The following PHF24 variants were observed in gnomAD, a reference collection of about 807,000 sequenced individuals.
PHF24 encodes PHD finger protein 24.
Under a neutral mutation model 42.6 loss-of-function variants are expected in PHF24, and 25 were observed. The observed-to-expected ratio is 0.59, with a 90% confidence interval of 0.43 to 0.82. PHF24 has a LOEUF of 0.82. PHF24 is among the 40% of genes least tolerant of loss of function. The pLI is 0.00. For synonymous variants in PHF24, 185 were observed against 204.8 expected, an observed-to-expected ratio of 0.90 and a Z score of 0.83; for missense variants, 470 against 538.1, an observed-to-expected ratio of 0.87 and a Z score of 1.25.
At chr9:34,793,554 C>A in the PHF24 span, among the ~76,000 whole-genome samples, 111 of 152,242 alleles carry the variant, frequency 7.3e-4, no homozygotes, top group Non-Finnish European at 1.4e-3. Context: ...GACCCAAGTT[C>A]AATAGACCAC....
At chr9:34,917,612 C>T in the PHF24 span, 1 of 776,066 alleles carries the variant, frequency 1.3e-6, no homozygotes, top group Non-Finnish European at 2.4e-6. Context: ...AAATGGCCAC[C>T]CCTTTGGTTG....
the PHF24 span, among the ~76,000 whole-genome samples, chr9:34,735,133 CTTTTTTT>C: frequency 6.2e-5 from 7 of 112,486 alleles, no homozygotes; most frequent in South Asian, 3.3e-4. Flanking sequence ...TTTCTTTTTT[CTTTTTTT>C]TTTTTTTTTT....
At chr9:34,871,057 T>C in the PHF24 span, among the ~76,000 whole-genome samples, 143,114 of 152,318 alleles carry the variant, frequency 0.94, 67,783 homozygotes, top group East Asian at 1. Context: ...GCTATTTTCC[T>C]ACCAGCAATG....
At chr9:34,962,417 A>G (rs1826624178) in intron 1 of PHF24, among the ~76,000 whole-genome samples, 1 of 151,668 alleles carries the variant, frequency 6.6e-6, no homozygotes, top group Non-Finnish European at 1.5e-5. Context: ...ATTTAGCTCA[A>G]GCAACACCTT....
At chr9:34,700,118 G>C in the PHF24 span, among the ~76,000 whole-genome samples, 1 of 152,154 alleles carries the variant, frequency 6.6e-6, no homozygotes, top group African/African-American at 2.4e-5. Context: ...GGAATAGCAA[G>C]GAGGCCAAAA....
chr9:34,908,222 G>C, the PHF24 span, among the ~76,000 whole-genome samples: 1 of 152,152 alleles, frequency 6.6e-6, no homozygotes, highest in Non-Finnish European at 1.5e-5. Context: ...CAAATGTTTT[G>C]TAATTGAGGA....
chr9:34,720,459 AAAC>A, the PHF24 span, among the ~76,000 whole-genome samples: 228 of 149,928 alleles, frequency 1.5e-3, 8 homozygotes, highest in African/African-American at 5.0e-3. Context: ...CTCAAAAAAA[AAAC>A]AAAACAAAAC....
chr9:34,833,241 G>A, the PHF24 span: 1 of 1,549,918 alleles, frequency 6.5e-7, no homozygotes, highest in Non-Finnish European at 8.7e-7. Flanking sequence ...GGTTCCTCCA[G>A]GCTGGGGTTG....
At chr9:34,881,075 A>G in the PHF24 span, among the ~76,000 whole-genome samples, 3 of 152,236 alleles carry the variant, frequency 2.0e-5, no homozygotes, top group Non-Finnish European at 4.4e-5. Flanking sequence ...CCACTCAGCT[A>G]CATGGAAACT....
the PHF24 span, chr9:34,725,814 A>C: frequency 6.5e-7 from 1 of 1,549,794 alleles, no homozygotes; most frequent in South Asian, 1.2e-5. Context: ...AGTTGGGGGA[A>C]GGAGAGCTCA....
chr9:34,918,403 G>T, the PHF24 span: 7 of 508,522 alleles, frequency 1.4e-5, no homozygotes, highest in Admixed American at 3.4e-5. Context: ...GAATACCAAG[G>T]TCTTTAAAAA....
the PHF24 span, among the ~76,000 whole-genome samples, chr9:34,828,307 G>T: frequency 6.6e-6 from 1 of 152,054 alleles, no homozygotes; most frequent in African/African-American, 2.4e-5. Flanking sequence ...CTTGACTTGG[G>T]AATTCACTTC....
the PHF24 span, among the ~76,000 whole-genome samples, chr9:34,938,701 C>T: frequency 1.4e-5 from 2 of 148,108 alleles, no homozygotes; most frequent in African/African-American, 5.0e-5. Context: ...AGGCCGAGGC[C>T]GGCGGATCAC....
the PHF24 span, among the ~76,000 whole-genome samples, chr9:34,743,436 C>A: frequency 6.6e-6 from 1 of 152,204 alleles, no homozygotes; most frequent in African/African-American, 2.4e-5. Flanking sequence ...ATAGTAAACC[C>A]TAAAGTTCAT....
the PHF24 span, among the ~76,000 whole-genome samples, chr9:34,886,796 C>CTATGTA: frequency 6.6e-4 from 89 of 135,416 alleles, no homozygotes; most frequent in African/African-American, 2.4e-3. Context: ...TGTCTATCTA[C>CTATGTA]TCTATCTATG....
chr9:34,711,064 G>A, the PHF24 span, among the ~76,000 whole-genome samples: 55,400 of 151,886 alleles, frequency 0.36, 10,490 homozygotes, highest in East Asian at 0.63. Flanking sequence ...TAGTTTCAAT[G>A]GTATATAAAC....
chr9:34,876,942 G>A, the PHF24 span, among the ~76,000 whole-genome samples: 1 of 152,036 alleles, frequency 6.6e-6, no homozygotes, highest in Non-Finnish European at 1.5e-5. Flanking sequence ...AACAAAATGT[G>A]GTATATACAT....
At chr9:34,730,279 T>C in the PHF24 span, among the ~76,000 whole-genome samples, 1 of 152,364 alleles carries the variant, frequency 6.6e-6, no homozygotes, top group Non-Finnish European at 1.5e-5. Context: ...TGTTTTCCAA[T>C]TCAGCTTCAG....
rs1826807951 is a variant in PHF24 at position 34,967,234 on chromosome 9, T to C, written c.-4-4061T>C. The stretch of plus-strand genomic sequence containing the variant: ...TCAGTTAAGGGCAGCACTTTCCTTA[T>C]ATCCTTGTCTTTTAGAGGTGCGTTC... On this transcript the variant is annotated intron_variant, in intron 1 of 7. Coordinates refer to ENST00000242315, the Ensembl canonical transcript of PHF24. Among the ~76,000 whole-genome samples, 2 of 152,232 alleles carry C rather than the reference T, an allele frequency of 1.3e-5. 1 individual carries two copies. Among genetic ancestry groups the C allele is most frequent in the South Asian group, 4.1e-4 (2 of 4,838 alleles).
Sources: gnomAD v4.1 joint callset for allele counts (sites outside exome capture counted in the v4.1 genomes callset) on GRCh38, gnomAD v4.1.1 for gene constraint, MANE v1.5 for transcripts, NCBI Gene and HGNC (gene_info 2026-07-23, HGNC 2026-07-21) for gene names.